Variants in ZBTB16 observed in about 807,000 individuals in gnomAD.
ZBTB16 encodes zinc finger and BTB domain-containing protein 16.
ZBTB16 carries 8 observed loss-of-function variants against 56.8 expected under a neutral mutation model. The observed-to-expected ratio is 0.14, with a 90% CI of 0.08 to 0.25. The LOEUF (loss-of-function observed/expected upper bound fraction) is 0.25, where lower values mean the gene tolerates loss of function less well. ZBTB16 is among the 10% of genes least tolerant of loss of function. The probability of loss-of-function intolerance (pLI) is 1.00; values close to 1 mark genes in which losing one functional copy is unlikely to be tolerated. For missense variants in ZBTB16, 625 were observed against 903.0 expected (o/e 0.69, Z 3.95); for synonymous variants, 363 against 368.5 (o/e 0.98, Z 0.17).
intron 2 of ZBTB16, among the ~76,000 whole-genome samples, chr11:114,153,103 G>A (rs1456680805): frequency 6.6e-6 from 1 of 152,226 alleles, no homozygotes; most frequent in Non-Finnish European, 1.5e-5. Flanking sequence ...GTGCCATGGA[G>A]AGTCTACTGG....
At position 114,254,295 on chromosome 11, in the gene ZBTB16, G is replaced by T. The variant is rs988812181; in HGVS notation, c.*3740G>T. On this transcript the variant is annotated 3_prime_UTR_variant, in exon 7 of 7. Coordinates refer to ENST00000335953, the MANE Select transcript of ZBTB16 (RefSeq NM_006006.6). ...GGGGAAGGCAGATCTGGGGTGCAGG[G>T]GTAGGTAGGGAGGCTGGGGGACCCA... Among the ~76,000 whole-genome samples, 4 of 152,104 alleles carry T rather than the reference G, an allele frequency of 2.6e-5. No individual in the cohort carries two copies. Among genetic ancestry groups the T allele is most frequent in the Admixed American group, 1.3e-4 (2 of 15,278 alleles).
chr11:114,155,467 G>A (rs511571), intron 2 of ZBTB16, among the ~76,000 whole-genome samples: 14,095 of 145,208 alleles, frequency 0.097, 824 homozygotes, highest in African/African-American at 0.18. Context: ...CCGGGTTGGG[G>A]GTTGGGAGTT....
At chr11:114,217,762 C>T (rs1423946969) in intron 4 of ZBTB16, among the ~76,000 whole-genome samples, 2 of 152,088 alleles carry the variant, frequency 1.3e-5, no homozygotes, top group African/African-American at 4.8e-5. Flanking sequence ...GGCAGAACAC[C>T]ATGGTGGGGA....
At chr11:114,095,753 C>A (rs769019503) in intron 2 of ZBTB16, among the ~76,000 whole-genome samples, 6 of 152,194 alleles carry the variant, frequency 3.9e-5, no homozygotes, top group Non-Finnish European at 7.3e-5. Flanking sequence ...ATCCCTTTCA[C>A]CCTAGCATGC....
At chr11:114,174,151 A>G (rs1943043837) in intron 3 of ZBTB16, among the ~76,000 whole-genome samples, 1 of 152,174 alleles carries the variant, frequency 6.6e-6, no homozygotes, top group Non-Finnish European at 1.5e-5. Flanking sequence ...ACTGAGGTCT[A>G]CGCAGAGGCA....
Position 114,247,255 on chromosome 11 carries a change from T to C in ZBTB16, c.1682T>C (p.Leu561Pro), listed in dbSNP as rs751956247. ...AGCTGCTTCCGGGATGAGAGCACAC[T>C]CAAGAGCCACAAACGCATCCACACG... ...CGSCFRDEST[L>P]KSHKRIHTGE... Residue 561 changes from leucine to proline, a missense_variant, in exon 6 of 7, where the codon CTC becomes CCC. Transcript: ENST00000335953. The C allele has an allele frequency of 6.2e-7, 1 of 1,614,116 alleles. No individual in the cohort carries two copies. Among genetic ancestry groups the C allele is most frequent in the Non-Finnish European group, 8.5e-7 (1 of 1,180,028 alleles).
At chr11:114,155,886 G>A (rs1323243638) in intron 2 of ZBTB16, among the ~76,000 whole-genome samples, 1 of 152,282 alleles carries the variant, frequency 6.6e-6, no homozygotes, top group Middle Eastern at 3.4e-3. Context: ...GTAGGAGAGA[G>A]AAAAGATACA....
chr11:114,152,495 T>C (rs1197865774), intron 2 of ZBTB16, among the ~76,000 whole-genome samples: 1 of 152,236 alleles, frequency 6.6e-6, no homozygotes, highest in Non-Finnish European at 1.5e-5. Context: ...GGTTAGAGGT[T>C]AATGTGTTCT....
chr11:114,090,802 T>C (rs1022873259), intron 2 of ZBTB16, among the ~76,000 whole-genome samples: 1 of 152,230 alleles, frequency 6.6e-6, no homozygotes, highest in African/African-American at 2.4e-5. Context: ...TGGAAGACAC[T>C]AATATCCCTC....
rs754594119 is a variant in ZBTB16, at chr11:114,156,330, C to G, written c.1269-7C>G. ...AGCAGCAACCTCTCTTTTCCTTTCC[C>G]TTACAGGAAGCTGCACAGTGGGATG... On this transcript the variant is annotated splice_region_variant and splice_polypyrimidine_tract_variant and intron_variant, in intron 2 of 6. Transcript: ENST00000335953. The G allele has an allele frequency of 4.3e-6, 7 of 1,614,180 alleles. No homozygotes were observed. In the East Asian group the frequency reaches 6.7e-5, roughly 15 times the overall value.
At chr11:114,077,516 G>GAAC (rs1260475168) in intron 2 of ZBTB16, among the ~76,000 whole-genome samples, 1 of 152,034 alleles carries the variant, frequency 6.6e-6, no homozygotes, top group African/African-American at 2.4e-5. Context: ...TCACCTGGGA[G>GAAC]AACACCTTCT....
Position 114,255,755 on chromosome 11 carries a change from A to G in ZBTB16, c.*5200A>G, listed in dbSNP as rs1368932361. Among the ~76,000 whole-genome samples the G allele has an allele frequency of 2.0e-5, 3 of 151,426 alleles. No individual in the cohort carries two copies. Among genetic ancestry groups the G allele is most frequent in the Non-Finnish European group, 4.4e-5 (3 of 67,938 alleles). On this transcript the variant is annotated 3_prime_UTR_variant, in exon 7 of 7. Coordinates refer to ENST00000335953, the MANE Select transcript of ZBTB16 (RefSeq NM_006006.6). Reference sequence around the variant, plus strand: ...AAAAGGAAAAAAAAAGAAAAAATGAATTTACTGCTGCAGGTTTTTTTCTCT... The same window carrying G: ...AAAAGGAAAAAAAAAGAAAAAATGAGTTTACTGCTGCAGGTTTTTTTCTCT...
chr11:114,150,063 G>T (rs1942245445), intron 2 of ZBTB16, among the ~76,000 whole-genome samples: 1 of 152,186 alleles, frequency 6.6e-6, no homozygotes, highest in Non-Finnish European at 1.5e-5. Flanking sequence ...CTTATAAATG[G>T]CTTAGTCTTG....
In ZBTB16 at chr11:114,251,720, C is replaced by G. The variant is rs1944920502; in HGVS notation, c.*1165C>G. On this transcript the variant is annotated 3_prime_UTR_variant, in exon 7 of 7. Coordinates refer to ENST00000335953, the MANE Select transcript of ZBTB16 (RefSeq NM_006006.6). ...AGAGTCGCACAGAATTCCTGACTCA[C>G]AGCGCCCCTCGGTCCACAGTGGAGA... Among the ~76,000 whole-genome samples, 1 of 152,184 alleles carries G rather than the reference C, an allele frequency of 6.6e-6. No homozygotes were observed. Among genetic ancestry groups the G allele is most frequent in the Non-Finnish European group, 1.5e-5 (1 of 68,038 alleles).
chr11:114,247,903 A>ATT (rs11417965), intron 6 of ZBTB16, among the ~76,000 whole-genome samples: 3,256 of 148,270 alleles, frequency 0.022, 117 homozygotes, highest in African/African-American at 0.072. Flanking sequence ...GTGCCTTCAC[A>ATT]TTTTTTTTTT....
intron 3 of ZBTB16, among the ~76,000 whole-genome samples, chr11:114,175,333 A>C (rs540709443): frequency 1.3e-5 from 2 of 152,208 alleles, no homozygotes; most frequent in African/African-American, 2.4e-5. Context: ...CATCACAATA[A>C]AAATACTAAT....
intron 3 of ZBTB16, among the ~76,000 whole-genome samples, chr11:114,179,349 C>T (rs150708220): frequency 6.6e-6 from 1 of 152,066 alleles, no homozygotes; most frequent in African/African-American, 2.4e-5. Context: ...GGAAAGAACA[C>T]ACAGTGCCGG....
intron 1 of ZBTB16, among the ~76,000 whole-genome samples, chr11:114,061,172 A>C (rs907458621): frequency 2.0e-5 from 3 of 150,940 alleles, no homozygotes; most frequent in Non-Finnish European, 4.4e-5. Context: ...AGCGCGGTCG[A>C]TCCCCGGAGC....
intron 4 of ZBTB16, among the ~76,000 whole-genome samples, chr11:114,234,671 C>T (rs1591804137): frequency 6.6e-6 from 1 of 152,186 alleles, no homozygotes; most frequent in Non-Finnish European, 1.5e-5. Flanking sequence ...CAGGGGAAGT[C>T]AAAATGGAGG....
Sources: allele counts gnomAD v4.1 joint callset (sites outside exome capture counted in the v4.1 genomes callset), GRCh38; gene constraint gnomAD v4.1.1; transcripts MANE v1.5; gene names NCBI Gene and HGNC (gene_info 2026-07-23, HGNC 2026-07-21).